ZNF385B: variants seen among roughly 807,000 people sequenced by gnomAD.
ZNF385B encodes the protein zinc finger protein 385B, also known as zinc finger protein 533.
ZNF385B carries 23 observed loss-of-function variants against 39.2 expected under a neutral mutation model. That is an observed-to-expected ratio of 0.59 (90% confidence interval 0.42 to 0.83). ZNF385B has a LOEUF of 0.83. ZNF385B is among the 40% of genes least tolerant of loss of function. ZNF385B has a pLI of 0.00. For missense variants in ZNF385B, 552 were observed against 598.9 expected (o/e 0.92, Z 0.82); for synonymous variants, 205 against 222.6 (o/e 0.92, Z 0.70).
At chr2:179,659,063 C>T (rs900833441) in intron 3 of ZNF385B, among the ~76,000 whole-genome samples, 2 of 152,194 alleles carry the variant, frequency 1.3e-5, no homozygotes, top group African/African-American at 4.8e-5. Flanking sequence ...AGGCGCGAGC[C>T]ACCATGCCTG....
chr2:179,461,883 C>A lies in ZNF385B; in HGVS notation c.716-15113G>T, dbSNP rs572255091. Among the ~76,000 whole-genome samples, 12 of 152,200 alleles carry A rather than the reference C, an allele frequency of 7.9e-5. No homozygotes were observed. The East Asian group carries it at 1.5e-3, about 20-fold the overall frequency. ...GAATTTCTAAATCCATGCCATTTAT[C>A]AGGGAGGACTCATTAGGCTCACTGA... On this transcript the variant is annotated intron_variant, in intron 6 of 9. Coordinates refer to ENST00000410066, the MANE Select transcript of ZNF385B (RefSeq NM_152520.6).
At chr2:179,760,170 C>T (rs1703283702) in intron 3 of ZNF385B, among the ~76,000 whole-genome samples, 1 of 150,492 alleles carries the variant, frequency 6.6e-6, no homozygotes, top group East Asian at 1.9e-4. Flanking sequence ...TGACATTGAT[C>T]TGATGTACAA....
chr2:179,484,076 A>C (rs1240536778), intron 5 of ZNF385B, among the ~76,000 whole-genome samples: 2 of 152,206 alleles, frequency 1.3e-5, no homozygotes, highest in Non-Finnish European at 2.9e-5. Context: ...CTGAAGCCTA[A>C]GTTGTTAGTG....
chr2:179,729,821 C>T (rs767357199), intron 3 of ZNF385B, among the ~76,000 whole-genome samples: 42 of 152,234 alleles, frequency 2.8e-4, no homozygotes, highest in Non-Finnish European at 5.1e-4. Context: ...CTCATGAGAT[C>T]TGATGGTTTT....
At chr2:179,634,247 A>C (rs1691515215) in intron 3 of ZNF385B, among the ~76,000 whole-genome samples, 2 of 152,214 alleles carry the variant, frequency 1.3e-5, no homozygotes, top group Admixed American at 1.3e-4. Context: ...AAAAGAAACT[A>C]CTATCAGAGT....
At position 179,470,797 on chromosome 2, in the gene ZNF385B, ACCC is replaced by A. The variant is rs549639146; in HGVS notation, c.715+12472_715+12474del. On this transcript the variant is annotated intron_variant, in intron 6 of 9. Coordinates refer to ENST00000410066, the MANE Select transcript of ZNF385B (RefSeq NM_152520.6). ...CCCTAGAATAAAATGTGGATCTAGG[ACCC>A]CTGTAAGCCTGCTGTTCAAGCCAGC... Among the ~76,000 whole-genome samples the A allele has an allele frequency of 9.1e-3, 1,391 of 152,260 alleles. 28 individuals carry two copies. Among genetic ancestry groups the A allele is most frequent in the East Asian group, 0.025 (128 of 5,182 alleles).
intron 3 of ZNF385B, among the ~76,000 whole-genome samples, chr2:179,699,010 C>T (rs895412374): frequency 2.6e-5 from 4 of 151,840 alleles, no homozygotes; most frequent in African/African-American, 9.7e-5. Flanking sequence ...TTTTTACTTG[C>T]ATATTCATAT....
intron 3 of ZNF385B, among the ~76,000 whole-genome samples, chr2:179,761,761 C>CTTTTTT (rs34325728): frequency 3.1e-3 from 346 of 110,144 alleles, no homozygotes; most frequent in South Asian, 5.2e-3. Context: ...TTTTTCTTTT[C>CTTTTTT]TTTTTTTTTT....
intron 3 of ZNF385B, among the ~76,000 whole-genome samples, chr2:179,666,620 C>G (rs1184174092): frequency 1.3e-5 from 2 of 152,062 alleles, no homozygotes; most frequent in Non-Finnish European, 2.9e-5. Context: ...AATGAAGAAA[C>G]TGACACCAAG....
chr2:179,757,696 C>A (rs1703129254), intron 3 of ZNF385B, among the ~76,000 whole-genome samples: 4 of 152,296 alleles, frequency 2.6e-5, no homozygotes, highest in African/African-American at 9.6e-5. Context: ...TGCCACCTTG[C>A]AGTTTGATCT....
chr2:179,499,855 T>C (rs999656527), intron 5 of ZNF385B, among the ~76,000 whole-genome samples: 7 of 152,014 alleles, frequency 4.6e-5, no homozygotes, highest in Non-Finnish European at 1.0e-4. Context: ...AAATTATCCT[T>C]ATTTGCAGAT....
chr2:179,752,396 T>C (rs1282570389), intron 3 of ZNF385B, among the ~76,000 whole-genome samples: 4 of 152,186 alleles, frequency 2.6e-5, no homozygotes, highest in East Asian at 1.9e-4. Flanking sequence ...AATAAACATA[T>C]GTGTGCATGT....
chr2:179,712,267 T>C (rs1700054189), intron 3 of ZNF385B, among the ~76,000 whole-genome samples: 1 of 152,200 alleles, frequency 6.6e-6, no homozygotes, highest in South Asian at 2.1e-4. Context: ...ATAGTAAACT[T>C]TCTACATTTT....
intron 3 of ZNF385B, among the ~76,000 whole-genome samples, chr2:179,606,684 AAAT>A (rs1222093197): frequency 6.6e-6 from 1 of 152,228 alleles, no homozygotes; most frequent in Non-Finnish European, 1.5e-5. Context: ...TATTTCATAA[AAAT>A]AATGGAAGAG....
intron 3 of ZNF385B, among the ~76,000 whole-genome samples, chr2:179,638,976 T>C (rs1245530265): frequency 6.6e-6 from 1 of 151,966 alleles, no homozygotes; most frequent in Non-Finnish European, 1.5e-5. Context: ...TCAAACACTT[T>C]GGGAGATTAA....
At chr2:179,545,278 G>A (rs2060160239) in intron 3 of ZNF385B, among the ~76,000 whole-genome samples, 2 of 152,192 alleles carry the variant, frequency 1.3e-5, no homozygotes, top group Admixed American at 6.5e-5. Context: ...GTTGGCCAAC[G>A]CTTTGCCTCT....
chr2:179,470,246 T>G (rs2052588271), intron 6 of ZNF385B, among the ~76,000 whole-genome samples: 2 of 152,196 alleles, frequency 1.3e-5, no homozygotes, highest in African/African-American at 4.8e-5. Flanking sequence ...TTGAATGGAT[T>G]AAGGATGACA....
intron 3 of ZNF385B, among the ~76,000 whole-genome samples, chr2:179,702,469 C>T (rs940552152): frequency 1.3e-5 from 2 of 152,092 alleles, no homozygotes; most frequent in African/African-American, 4.8e-5. Flanking sequence ...CATCTGGACT[C>T]GTTTATTGAA....
intron 1 of ZNF385B, among the ~76,000 whole-genome samples, chr2:179,829,929 T>G (rs1707892646): frequency 6.6e-6 from 1 of 152,134 alleles, no homozygotes; most frequent in Non-Finnish European, 1.5e-5. Flanking sequence ...TTTAAGAGAA[T>G]GAAAAGACAA....
Sources: allele counts gnomAD v4.1 joint callset (sites outside exome capture counted in the v4.1 genomes callset), GRCh38; gene constraint gnomAD v4.1.1; transcripts MANE v1.5; gene names NCBI Gene and HGNC (gene_info 2026-07-23, HGNC 2026-07-21).